RTN1: variants seen among roughly 807,000 people sequenced by gnomAD.
The protein encoded by RTN1 is reticulon-1.
RTN1 carries 25 observed loss-of-function variants against 65.5 expected under a neutral mutation model. That is an observed-to-expected ratio of 0.38 (90% CI 0.28 to 0.53). The LOEUF (loss-of-function observed/expected upper bound fraction) is 0.53. RTN1 is among the 20% of genes least tolerant of loss of function. The pLI is 0.79. For synonymous variants in RTN1, 471 were observed against 447.6 expected (o/e 1.05, Z -0.66); for missense variants, 983 against 1,025.4 (o/e 0.96, Z 0.57).
At chr14:59,625,568 T>G (rs1882373556) in intron 3 of RTN1, among the ~76,000 whole-genome samples, 1 of 152,234 alleles carries the variant, frequency 6.6e-6, no homozygotes, top group Non-Finnish European at 1.5e-5. Context: ...CAATCTTATT[T>G]TATCAACACT....
chr14:59,778,672 C>T lies in RTN1; in HGVS notation c.242-32191G>A, dbSNP rs79089302. Among the ~76,000 whole-genome samples the T allele has an allele frequency of 3.3e-3, 509 of 152,214 alleles. 18 individuals are homozygous for T. The East Asian group carries it at 0.055, about 16-fold the overall frequency. On this transcript the variant is annotated intron_variant, in intron 1 of 8. Coordinates refer to ENST00000267484, the MANE Select transcript of RTN1 (RefSeq NM_021136.3). ...GTTTGTGCAGCATACAGCAGGCACA[C>T]GGAGGAGAGGGTGGGCAGTTGCACT... is the stretch of plus-strand genomic sequence containing the variant.
intron 2 of RTN1, among the ~76,000 whole-genome samples, chr14:59,737,204 A>G (rs1885019283): frequency 6.6e-6 from 1 of 152,234 alleles, no homozygotes; most frequent in Non-Finnish European, 1.5e-5. Flanking sequence ...GTTTTCAGAT[A>G]GGAAGCGAGG....
chr14:59,746,244 C>A lies in RTN1; in HGVS notation c.479G>T (p.Gly160Val). Residue 160 changes from glycine to valine, a missense_variant, in exon 2 of 9, where the codon GGC (glycine) becomes GTC (valine). Transcript: ENST00000267484. Reference protein sequence around the residue: ...LPDVPGIESRGLFSSDSGIEM... With the variant: ...LPDVPGIESRVLFSSDSGIEM... ...TATTCCAGAATCAGAACTAAATAAG[C>A]CACGAGACTCTATCCCAGGCACATC... is the stretch of plus-strand genomic sequence containing the variant. The A allele has an allele frequency of 1.2e-6, 2 of 1,612,828 alleles. No homozygotes were observed. Among genetic ancestry groups the A allele is most frequent in the Non-Finnish European group, 1.7e-6 (2 of 1,179,432 alleles).
intron 3 of RTN1, among the ~76,000 whole-genome samples, chr14:59,639,363 G>A (rs1882729630): frequency 6.6e-6 from 1 of 152,132 alleles, no homozygotes; most frequent in Non-Finnish European, 1.5e-5. Flanking sequence ...AAAAGATGGT[G>A]CTAATAAACT....
intron 8 of RTN1, among the ~76,000 whole-genome samples, chr14:59,599,262 A>G (rs562385533): frequency 1.3e-5 from 2 of 152,270 alleles, no homozygotes; most frequent in African/African-American, 4.8e-5. Context: ...GTAGGACTTC[A>G]CTTTCCTTAT....
chr14:59,785,661 A>G (rs74061316), intron 1 of RTN1, among the ~76,000 whole-genome samples: 45 of 152,340 alleles, frequency 3.0e-4, no homozygotes, highest in African/African-American at 9.9e-4. Flanking sequence ...TGTTATTTGC[A>G]TTAAACAGAT....
intron 1 of RTN1, among the ~76,000 whole-genome samples, chr14:59,813,568 TA>T (rs1886767949): frequency 6.6e-6 from 1 of 152,188 alleles, no homozygotes; most frequent in South Asian, 2.1e-4. Flanking sequence ...AAACCAAGCA[TA>T]GAGCTAAACT....
intron 1 of RTN1, among the ~76,000 whole-genome samples, chr14:59,753,673 A>G (rs1208238669): frequency 6.6e-6 from 1 of 152,196 alleles, no homozygotes. Context: ...GGAACTGAGA[A>G]GCAGAACTGA....
chr14:59,671,469 C>A (rs974181621), intron 3 of RTN1, among the ~76,000 whole-genome samples: 1 of 152,176 alleles, frequency 6.6e-6, no homozygotes, highest in Non-Finnish European at 1.5e-5. Flanking sequence ...AACAATCGCA[C>A]ATATTAACAT....
intron 1 of RTN1, among the ~76,000 whole-genome samples, chr14:59,850,860 G>A (rs2139662860): frequency 6.6e-6 from 1 of 152,266 alleles, no homozygotes; most frequent in East Asian, 1.9e-4. Flanking sequence ...AAGGGGGTGG[G>A]ATCATGGGTA....
chr14:59,848,955 C>T (rs1027145906), intron 1 of RTN1, among the ~76,000 whole-genome samples: 2 of 151,046 alleles, frequency 1.3e-5, no homozygotes, highest in African/African-American at 2.4e-5. Flanking sequence ...CCCCACCCCC[C>T]CGGGAAGAAT....
chr14:59,822,701 G>T (rs533024343), intron 1 of RTN1, among the ~76,000 whole-genome samples: 11 of 152,170 alleles, frequency 7.2e-5, no homozygotes, highest in Non-Finnish European at 1.5e-4. Flanking sequence ...AGAGATTCTG[G>T]TAAGTTTGTA....
At position 59,749,268 on chromosome 14, in the gene RTN1, A is replaced by ATATATATATC. The variant is rs1435448586; in HGVS notation, c.242-2797_242-2788dup. 1.2e-3 allele frequency among the ~76,000 whole-genome samples: 26 copies of ATATATATATC among 21,084 alleles called. 1 individual carries two copies. The highest frequency in any genetic ancestry group is 3.9e-3 in the South Asian group (3 of 770). 13.8% of individuals were successfully genotyped at this position (21,084 alleles called of 152,430 possible). A position where few individuals can be genotyped will look rare whatever the true frequency, so the allele number is the denominator to read the frequency against. On this transcript the variant is annotated intron_variant, in intron 1 of 8. Transcript: ENST00000267484. ...TATATCTATATATCTATATATATCTATATATATATCTATATATATCTATAT... is the reference window on the plus strand; with the variant it reads ...TATATCTATATATCTATATATATCTATATATATATCTATATATATCTATATATATCTATAT...
At chr14:59,817,894 G>A (rs969562954) in intron 1 of RTN1, among the ~76,000 whole-genome samples, 10 of 152,068 alleles carry the variant, frequency 6.6e-5, no homozygotes, top group African/African-American at 2.4e-4. Flanking sequence ...TTTATTTTAG[G>A]TTCAGGAGTA....
At chr14:59,749,519 ATATT>A (rs1885361682) in intron 1 of RTN1, among the ~76,000 whole-genome samples, 1 of 37,132 alleles carries the variant, frequency 2.7e-5, no homozygotes, top group African/African-American at 2.0e-4. Context: ...AGATATCTAT[ATATT>A]TATATATATC....
In RTN1 at chr14:59,843,651, C is replaced by T. The variant is rs375929242; in HGVS notation, c.241+26739G>A. ...AAAAAAGTTTAAAAAGGAACGCACA[C>T]GTGATTTGAAAAGTGCATTTGTGAA... On this transcript the variant is annotated intron_variant, in intron 1 of 8. Transcript: ENST00000267484. 5.3e-5 allele frequency among the ~76,000 whole-genome samples: 8 copies of T among 152,236 alleles called. No individual in the cohort carries two copies. The South Asian group carries it at 1.0e-3, about 20-fold the overall frequency.
intron 2 of RTN1, among the ~76,000 whole-genome samples, chr14:59,729,683 G>A (rs192798578): frequency 4.6e-5 from 7 of 152,270 alleles, no homozygotes; most frequent in African/African-American, 7.2e-5. Context: ...TGGGTGTCAC[G>A]CACTTTACAT....
chr14:59,720,741 C>T (rs1304566003), intron 3 of RTN1, among the ~76,000 whole-genome samples: 2 of 149,610 alleles, frequency 1.3e-5, no homozygotes, highest in African/African-American at 2.5e-5. Flanking sequence ...AAAAAAAATA[C>T]TCTAAGGTGG....
chr14:59,690,295 G>C (rs1883933393), intron 3 of RTN1, among the ~76,000 whole-genome samples: 2 of 149,954 alleles, frequency 1.3e-5, no homozygotes, highest in Admixed American at 6.6e-5. Flanking sequence ...GGAAAACAAA[G>C]AGCGGAGGTG....
Sources: allele counts gnomAD v4.1 joint callset (sites outside exome capture counted in the v4.1 genomes callset), GRCh38; gene constraint gnomAD v4.1.1; transcripts MANE v1.5; gene names NCBI Gene and HGNC (gene_info 2026-07-23, HGNC 2026-07-21).